Variants in LTBP1 observed in about 807,000 individuals in gnomAD.
LTBP1 encodes the protein latent-transforming growth factor beta-binding protein 1.
Under a neutral mutation model 207.6 loss-of-function variants are expected in LTBP1, and 129 were observed. The observed-to-expected ratio is 0.62, with a 90% confidence interval of 0.54 to 0.72. LTBP1 has a LOEUF of 0.72. Among genes scored for constraint, LTBP1 ranks in the 30% least tolerant of loss-of-function variants. The pLI is 0.00. For synonymous variants in LTBP1, 963 were observed against 833.7 expected (o/e 1.16, Z -2.67); for missense variants, 2,281 against 2,217.2 (o/e 1.03, Z -0.58).
At chr2:33,116,095 A>AGCAATG (rs972979380) in intron 4 of LTBP1, among the ~76,000 whole-genome samples, 3 of 152,262 alleles carry the variant, frequency 2.0e-5, no homozygotes, top group African/African-American at 7.2e-5. Flanking sequence ...TAGGATGAGC[A>AGCAATG]GCAATGGCCA....
At chr2:33,131,567 A>G (rs375571113) in intron 4 of LTBP1, among the ~76,000 whole-genome samples, 8 of 152,332 alleles carry the variant, frequency 5.3e-5, no homozygotes, top group Admixed American at 1.3e-4. Flanking sequence ...TTCACTACCA[A>G]TTTTGAGAAG....
intron 7 of LTBP1, among the ~76,000 whole-genome samples, chr2:33,205,521 A>G (rs559955808): frequency 6.6e-6 from 1 of 152,180 alleles, no homozygotes; most frequent in Non-Finnish European, 1.5e-5. Context: ...TCTGCTCTGC[A>G]TATTTCAGGG....
At chr2:33,204,684 A>G (rs2089690589) in intron 7 of LTBP1, among the ~76,000 whole-genome samples, 1 of 151,952 alleles carries the variant, frequency 6.6e-6, no homozygotes, top group Non-Finnish European at 1.5e-5. Flanking sequence ...GGCTCAAGTG[A>G]TCCTCCTGCC....
chr2:33,319,797 G>A lies in LTBP1; in HGVS notation c.3730+4528G>A, dbSNP rs149295979. Among the ~76,000 whole-genome samples the A allele has an allele frequency of 4.7e-3, 712 of 152,314 alleles. 4 individuals are homozygous for A. Among genetic ancestry groups the A allele is most frequent in the African/African-American group, 0.016 (682 of 41,560 alleles). Reference sequence around the variant, plus strand: ...CAAGGAGCCCAGCCACACAGAGGGAGCACCAGCAGCTTATAGGACCTGGCA... The same window carrying A: ...CAAGGAGCCCAGCCACACAGAGGGAACACCAGCAGCTTATAGGACCTGGCA... On this transcript the variant is annotated intron_variant, in intron 24 of 33. Transcript: ENST00000404816.
chr2:33,103,632 T>TGTGTGTGTGTGTGTG (rs200334066), intron 3 of LTBP1, among the ~76,000 whole-genome samples: 22 of 149,406 alleles, frequency 1.5e-4, no homozygotes, highest in African/African-American at 3.2e-4. Flanking sequence ...TGTGTGAGTG[T>TGTGTGTGTGTGTGTG]TATGCTGCCA....
chr2:33,009,431 C>G (rs1687372154), intron 2 of LTBP1, among the ~76,000 whole-genome samples: 1 of 152,080 alleles, frequency 6.6e-6, no homozygotes, highest in South Asian at 2.1e-4. Flanking sequence ...TGAGGCCATT[C>G]CAGAGAGTGT....
At chr2:33,209,320 T>C (rs948071925) in intron 7 of LTBP1, among the ~76,000 whole-genome samples, 35 of 152,168 alleles carry the variant, frequency 2.3e-4, no homozygotes, top group Admixed American at 2.3e-3. Context: ...TGTGGTGTTT[T>C]GTGATTGGGC....
intron 24 of LTBP1, among the ~76,000 whole-genome samples, chr2:33,328,616 A>G (rs768208704): frequency 2.6e-5 from 4 of 152,128 alleles, no homozygotes; most frequent in Non-Finnish European, 5.9e-5. Flanking sequence ...CTTACTCACT[A>G]TCATGAGAAC....
chr2:33,309,297 A>AT, intron 22 of LTBP1, 137 bp from the exon 23 acceptor site: 8 of 558,512 alleles, frequency 1.4e-5, no homozygotes, highest in East Asian at 4.0e-5. Context: ...AAAAAAAAAA[A>AT]GTTAAAAAGT....
chr2:33,238,811 T>A (rs1445566769), intron 9 of LTBP1, among the ~76,000 whole-genome samples: 1 of 152,182 alleles, frequency 6.6e-6, no homozygotes, highest in Non-Finnish European at 1.5e-5. Context: ...AGATACGGTG[T>A]GCTATAGAAA....
intron 5 of LTBP1, among the ~76,000 whole-genome samples, chr2:33,142,825 C>T (rs964696040): frequency 1.3e-5 from 2 of 152,150 alleles, no homozygotes; most frequent in African/African-American, 2.4e-5. Flanking sequence ...GATGGGGCTC[C>T]TTGAAAGGGT....
At chr2:33,123,287 GCC>G (rs1367642559) in intron 4 of LTBP1, among the ~76,000 whole-genome samples, 11 of 152,220 alleles carry the variant, frequency 7.2e-5, no homozygotes, top group Admixed American at 5.2e-4. Context: ...GGGGATTCTT[GCC>G]CACATGGAAT....
intron 18 of LTBP1, among the ~76,000 whole-genome samples, chr2:33,277,813 T>TTTCTCTTTC (rs2093472726): frequency 1.4e-5 from 1 of 71,742 alleles, no homozygotes; most frequent in African/African-American, 6.5e-5. Flanking sequence ...CTCTTTCTTT[T>TTTCTCTTTC]TTTCTTTCTT....
At position 32,978,997 on chromosome 2, in the gene LTBP1, C is replaced by T. The variant is rs115157462; in HGVS notation, c.565+30052C>T. 7.6e-3 allele frequency among the ~76,000 whole-genome samples: 1,162 copies of T among 151,914 alleles called. 14 individuals are homozygous for T. The highest frequency in any genetic ancestry group is 0.026 in the African/African-American group (1,066 of 41,484). On this transcript the variant is annotated intron_variant, in intron 2 of 33. Coordinates refer to ENST00000404816, the MANE Select transcript of LTBP1 (RefSeq NM_206943.4). ...TTTCTAATTTATTGGCATATAGTTG[C>T]TCATACTAGCCTCTAATCCTTTGAA...
intron 9 of LTBP1, among the ~76,000 whole-genome samples, chr2:33,240,553 T>C (rs2092275730): frequency 6.6e-6 from 1 of 152,168 alleles, no homozygotes; most frequent in Non-Finnish European, 1.5e-5. Flanking sequence ...ATTAATTTAT[T>C]AATTTCTGAA....
intron 3 of LTBP1, among the ~76,000 whole-genome samples, chr2:33,086,196 G>A (rs1207679071): frequency 6.6e-6 from 1 of 152,238 alleles, no homozygotes; most frequent in Non-Finnish European, 1.5e-5. Flanking sequence ...TGGCATTCAG[G>A]TACAGATCAG....
intron 4 of LTBP1, among the ~76,000 whole-genome samples, chr2:33,113,228 A>G (rs747193079): frequency 2.6e-5 from 4 of 152,190 alleles, no homozygotes; most frequent in Non-Finnish European, 4.4e-5. Context: ...TATGTTTAAT[A>G]TTGATATATT....
chr2:33,309,467 G>T lies in LTBP1; in HGVS notation c.3515G>T (p.Cys1172Phe). 6.8e-6 allele frequency: 11 copies of T among 1,609,452 alleles called. No homozygotes were observed. The highest frequency in any genetic ancestry group is 9.3e-6 in the Non-Finnish European group (11 of 1,178,524). ...GAATGCTTGGAGGACAAGAGTGTTT[G>T]CCAGAGAGGAGACTGCATTAATACT... The part of the protein sequence containing the change: ...INECLEDKSV[C>F]QRGDCINTAG... Residue 1172 changes from cysteine to phenylalanine, a missense_variant, in exon 23 of 34, where the codon TGC (cysteine) becomes TTC (phenylalanine). By Grantham distance (205) the Cys-to-Phe change is radical (BLOSUM62 -2). This residue lies in a region of LTBP1 where 1,671 missense variants were observed against 1,634.8 expected (regional missense o/e 1.02). Transcript: ENST00000404816.
At chr2:33,054,875 T>G (rs1251083058) in intron 3 of LTBP1, among the ~76,000 whole-genome samples, 1 of 152,160 alleles carries the variant, frequency 6.6e-6, no homozygotes, top group African/African-American at 2.4e-5. Context: ...CCAGGGAACC[T>G]TCATCCTCTG....
Sources: gnomAD v4.1 joint callset for allele counts (sites outside exome capture counted in the v4.1 genomes callset) on GRCh38, gnomAD v4.1.1 for gene constraint, gnomAD v4.1.1 regional missense constraint, MANE v1.5 for transcripts, NCBI Gene and HGNC (gene_info 2026-07-23, HGNC 2026-07-21) for gene names.